Variants in WDPCP observed in about 807,000 individuals in gnomAD.
The protein encoded by WDPCP is WD repeat containing planar cell polarity effector.
A neutral mutation model predicts 93.1 loss-of-function variants in WDPCP; 71 were observed. That is an observed-to-expected ratio of 0.76 (90% confidence interval 0.63 to 0.93). WDPCP has a LOEUF of 0.93. Among genes scored for constraint, WDPCP ranks in the 40% least tolerant of loss-of-function variants. The pLI is 0.00. For synonymous variants in WDPCP, 315 were observed against 315.0 expected, an observed-to-expected ratio of 1.00 and a Z score of 0.00; for missense variants, 844 against 887.4, an observed-to-expected ratio of 0.95 and a Z score of 0.62.
chr2:63,753,529 T>C (rs1290104175), intron 2 of WDPCP, among the ~76,000 whole-genome samples: 3 of 152,148 alleles, frequency 2.0e-5, no homozygotes, highest in African/African-American at 4.8e-5. Flanking sequence ...ACAGGAAGCA[T>C]AGCAGCTTCT....
At chr2:63,433,197 C>G (rs1010518947) in intron 9 of WDPCP, among the ~76,000 whole-genome samples, 12 of 152,158 alleles carry the variant, frequency 7.9e-5, no homozygotes, top group African/African-American at 2.7e-4. Context: ...CCTTAAATAT[C>G]CTTGCGCCAA....
At chr2:63,440,303 T>C (rs1356420088) in intron 6 of WDPCP, 4 of 155,644 alleles carry the variant, frequency 2.6e-5, no homozygotes, top group Non-Finnish European at 5.7e-5. Context: ...ATGCCACTAT[T>C]ACAATATAAA....
At chr2:63,342,098 T>C (rs373859259) in intron 12 of WDPCP, among the ~76,000 whole-genome samples, 1 of 152,146 alleles carries the variant, frequency 6.6e-6, no homozygotes, top group Non-Finnish European at 1.5e-5. Flanking sequence ...ATAAGGAGCA[T>C]GCAACCTAGA....
At chr2:63,558,944 C>T (rs1435340644) in intron 1 of WDPCP, among the ~76,000 whole-genome samples, 1 of 152,192 alleles carries the variant, frequency 6.6e-6, no homozygotes, top group Non-Finnish European at 1.5e-5. Context: ...ATGCCAGCAT[C>T]ATCCTGATAC....
intron 6 of WDPCP, among the ~76,000 whole-genome samples, chr2:63,445,148 A>G (rs74328560): frequency 0.022 from 3,097 of 142,362 alleles, 123 homozygotes; most frequent in African/African-American, 0.072. Flanking sequence ...TCATTCAGTA[A>G]GTTAAAAAAA....
At chr2:63,206,708 A>C (rs17432684) in intron 14 of WDPCP, among the ~76,000 whole-genome samples, 23,900 of 151,796 alleles carry the variant, frequency 0.16, 2,277 homozygotes, top group Non-Finnish European at 0.22. Flanking sequence ...CACTTATTGT[A>C]TTTTTATTCT....
intron 1 of WDPCP, among the ~76,000 whole-genome samples, chr2:63,560,431 A>G (rs1256811291): frequency 2.6e-5 from 4 of 152,202 alleles, no homozygotes; most frequent in African/African-American, 7.2e-5. Flanking sequence ...GATCTCAGAA[A>G]TAAGACCACA....
intron 15 of WDPCP, among the ~76,000 whole-genome samples, chr2:63,172,246 C>T (rs1209328531): frequency 2.0e-5 from 3 of 152,168 alleles, no homozygotes; most frequent in African/African-American, 7.2e-5. Flanking sequence ...TGGCTCACGC[C>T]TGTAATCCCA....
Position 63,575,507 on chromosome 2 carries a change from A to AGCGTATGCG in WDPCP, c.75+12689_75+12690insCGCATACGC, listed in dbSNP as rs70965139. On this transcript the variant is annotated intron_variant, in intron 1 of 17. Transcript: ENST00000272321. ...TATATATAGTATATACAGTATATAC[A>AGCGTATGCG]CTGTATATATAGTATATACAGTATA... Among the ~76,000 whole-genome samples, 73 of 95,608 alleles carry AGCGTATGCG rather than the reference A, an allele frequency of 7.6e-4. 23 individuals carry two copies. Among genetic ancestry groups the AGCGTATGCG allele is most frequent in the African/African-American group, 2.6e-3 (60 of 22,844 alleles). The allele number at this position is 95,608 out of a possible 152,430, so 62.7% of individuals were successfully genotyped here.
intron 17 of WDPCP, among the ~76,000 whole-genome samples, chr2:63,149,264 A>T (rs1671737040): frequency 6.6e-6 from 1 of 152,224 alleles, no homozygotes. Flanking sequence ...ATATGAAAAG[A>T]TGTTCAACCT....
At chr2:63,461,418 C>T (rs998761103) in intron 6 of WDPCP, among the ~76,000 whole-genome samples, 1 of 152,178 alleles carries the variant, frequency 6.6e-6, no homozygotes, top group African/African-American at 2.4e-5. Flanking sequence ...CCCCCTTTGC[C>T]TTCCACCATG....
chr2:63,183,075 C>G (rs1306588727), intron 14 of WDPCP, among the ~76,000 whole-genome samples: 1 of 151,774 alleles, frequency 6.6e-6, no homozygotes, highest in Non-Finnish European at 1.5e-5. Context: ...TTTATTTTAT[C>G]AACGAACCAA....
At chr2:63,628,812 A>T (rs1709835870) in intron 3 of WDPCP, among the ~76,000 whole-genome samples, 1 of 152,204 alleles carries the variant, frequency 6.6e-6, no homozygotes, top group African/African-American at 2.4e-5. Context: ...CAACCAATTG[A>T]CCTAATGCCT....
At chr2:63,789,025 G>A (rs964087894) in intron 2 of WDPCP, among the ~76,000 whole-genome samples, 3 of 152,108 alleles carry the variant, frequency 2.0e-5, no homozygotes, top group Non-Finnish European at 4.4e-5. Flanking sequence ...GGAACTACAG[G>A]TAAACACCAC....
rs781075904 is a variant in WDPCP at position 63,689,407 on chromosome 2, G to A, written n.309-38569C>T. On this transcript the variant is annotated intron_variant and non_coding_transcript_variant, in intron 2 of 4. Coordinates refer to the WDPCP transcript ENST00000467687. ...TTTCTCCACTGAAAAGCTTTTCAGT[G>A]GAGTAAAGGGGGCCTCGAAATATTC... Among the ~76,000 whole-genome samples, 18 of 152,266 alleles carry A rather than the reference G, an allele frequency of 1.2e-4. No homozygotes were observed. The Middle Eastern group carries it at 0.01, about 86-fold the overall frequency.
rs572393291 is a variant in WDPCP at position 63,451,950 on chromosome 2, T to C, written c.385-12079A>G. ...ATTGATGGGATGTATCTCAAAATAA[T>C]AAGAGCTATCTATGACAAACCCACA... is the stretch of plus-strand genomic sequence containing the variant. On this transcript the variant is annotated intron_variant, in intron 6 of 17. Transcript: ENST00000272321. 2.6e-4 allele frequency among the ~76,000 whole-genome samples: 39 copies of C among 152,226 alleles called. No individual in the cohort carries two copies. The South Asian group carries it at 7.7e-3, about 30-fold the overall frequency.
At chr2:63,622,449 C>T (rs1284017202) in intron 3 of WDPCP, 34 of 1,613,784 alleles carry the variant, frequency 2.1e-5, no homozygotes, top group Non-Finnish European at 2.5e-5. Flanking sequence ...CCAGGCTTCC[C>T]GGCGGATTTC....
intron 1 of WDPCP, among the ~76,000 whole-genome samples, chr2:63,547,355 AT>A (rs2106335434): frequency 6.6e-6 from 1 of 152,268 alleles, no homozygotes; most frequent in East Asian, 1.9e-4. Context: ...CAGTATGGAG[AT>A]TTCTCAAAAA....
chr2:63,304,915 G>A (rs191121719), intron 13 of WDPCP, among the ~76,000 whole-genome samples: 15 of 152,160 alleles, frequency 9.9e-5, no homozygotes, highest in South Asian at 6.2e-4. Context: ...TGGGGAGAGC[G>A]GCATCCACCA....
Sources: gnomAD v4.1 joint callset for allele counts (sites outside exome capture counted in the v4.1 genomes callset) on GRCh38, gnomAD v4.1.1 for gene constraint, MANE v1.5 for transcripts, NCBI Gene and HGNC (gene_info 2026-07-23, HGNC 2026-07-21) for gene names.